The following ARHGAP24 variants were observed in gnomAD, a reference collection of about 807,000 sequenced individuals.
ARHGAP24 encodes the protein rho GTPase-activating protein 24.
ARHGAP24 carries 50 observed loss-of-function variants against 76.4 expected under a neutral mutation model. That is an observed-to-expected ratio of 0.65 (90% CI 0.52 to 0.83). ARHGAP24 has a LOEUF of 0.83. Among genes scored for constraint, ARHGAP24 ranks in the 40% least tolerant of loss-of-function variants. The pLI is 0.00. For missense variants in ARHGAP24, 930 were observed against 914.2 expected, an observed-to-expected ratio of 1.02 and a Z score of -0.22; for synonymous variants, 345 against 323.3, an observed-to-expected ratio of 1.07 and a Z score of -0.72.
intron 2 of ARHGAP24, among the ~76,000 whole-genome samples, chr4:85,703,755 T>C (rs1033337325): frequency 1.3e-5 from 2 of 152,130 alleles, no homozygotes; most frequent in African/African-American, 4.8e-5. Context: ...TAGGCTGTTA[T>C]AGCAGCCCAA....
At chr4:85,792,563 C>A (rs142151870) in intron 3 of ARHGAP24, among the ~76,000 whole-genome samples, 1 of 151,868 alleles carries the variant, frequency 6.6e-6, no homozygotes, top group Non-Finnish European at 1.5e-5. Flanking sequence ...TATCTGAACC[C>A]TCAAAAAAAA....
At chr4:85,578,097 A>G (rs1026165242) in intron 2 of ARHGAP24, among the ~76,000 whole-genome samples, 1 of 152,208 alleles carries the variant, frequency 6.6e-6, no homozygotes, top group African/African-American at 2.4e-5. Flanking sequence ...AACAGAACTC[A>G]TTCTATGTAC....
intron 8 of ARHGAP24, among the ~76,000 whole-genome samples, chr4:85,988,684 C>G (rs1322738188): frequency 6.6e-6 from 1 of 150,926 alleles, no homozygotes; most frequent in Non-Finnish European, 1.5e-5. Context: ...AAAAAAATAC[C>G]ATGATGACAG....
At chr4:85,991,366 C>G (rs1223874016) in intron 8 of ARHGAP24, 3 of 152,022 alleles carry the variant, frequency 2.0e-5, no homozygotes, top group Non-Finnish European at 4.4e-5. Context: ...AACATTTACC[C>G]AAGGAAAAAG....
Position 85,722,761 on chromosome 4 carries a change from G to A in ARHGAP24, c.268+789G>A, listed in dbSNP as rs553687362. Among the ~76,000 whole-genome samples the A allele has an allele frequency of 3.0e-3, 450 of 152,240 alleles. 2 individuals are homozygous for A. The highest frequency in any genetic ancestry group is 4.3e-3 in the Non-Finnish European group (293 of 68,016). The stretch of plus-strand genomic sequence containing the variant: ...GGTAGGAATCTGGCTCCGGTTGACC[G>A]TTTGTGTAATATTGATATTGATTTG... On this transcript the variant is annotated intron_variant, in intron 3 of 9. Transcript: ENST00000395184.
At chr4:85,821,225 A>G (rs997859456) in intron 3 of ARHGAP24, among the ~76,000 whole-genome samples, 1 of 152,190 alleles carries the variant, frequency 6.6e-6, no homozygotes, top group African/African-American at 2.4e-5. Flanking sequence ...AATTTTCTTT[A>G]ATATTAAGAT....
chr4:85,805,305 G>A (rs1728742276), intron 3 of ARHGAP24, among the ~76,000 whole-genome samples: 1 of 152,094 alleles, frequency 6.6e-6, no homozygotes, highest in Admixed American at 6.5e-5. Context: ...AAAGGCAAAG[G>A]TGATATTTAG....
intron 2 of ARHGAP24, among the ~76,000 whole-genome samples, chr4:85,687,945 G>T (rs565460292): frequency 6.6e-6 from 1 of 152,058 alleles, no homozygotes; most frequent in African/African-American, 2.4e-5. Flanking sequence ...CTGAGTAGTT[G>T]GGATTACAGG....
At chr4:85,782,713 A>G (rs7665134) in intron 3 of ARHGAP24, among the ~76,000 whole-genome samples, 278 of 152,308 alleles carry the variant, frequency 1.8e-3, no homozygotes, top group African/African-American at 6.2e-3. Flanking sequence ...TTCATTTTCA[A>G]TTACAATCTC....
intron 3 of ARHGAP24, among the ~76,000 whole-genome samples, chr4:85,834,471 C>G (rs1730161390): frequency 6.6e-6 from 1 of 152,196 alleles, no homozygotes; most frequent in African/African-American, 2.4e-5. Context: ...CTTCACCCAT[C>G]TCGCCACTTG....
intron 9 of ARHGAP24, 111 bp from the exon 10 acceptor site, chr4:86,000,368 C>T: frequency 1.2e-6 from 1 of 868,074 alleles, no homozygotes; most frequent in East Asian, 2.5e-5. Flanking sequence ...TCCTAAGCAT[C>T]ATAAAGAGTT....
chr4:85,973,666 T>C (rs1739122449), intron 6 of ARHGAP24, among the ~76,000 whole-genome samples: 2 of 152,252 alleles, frequency 1.3e-5, no homozygotes, highest in South Asian at 4.1e-4. Context: ...CTTTTACATT[T>C]AGAACTATGA....
At chr4:85,554,470 A>G (rs1015550008) in intron 1 of ARHGAP24, among the ~76,000 whole-genome samples, 9 of 152,198 alleles carry the variant, frequency 5.9e-5, no homozygotes, top group African/African-American at 1.7e-4. Context: ...CTCTTTACAT[A>G]ATCCCATATT....
At chr4:85,843,911 T>C (rs1578288226) in intron 3 of ARHGAP24, among the ~76,000 whole-genome samples, 1 of 152,298 alleles carries the variant, frequency 6.6e-6, no homozygotes, top group Non-Finnish European at 1.5e-5. Flanking sequence ...GCTAAATGTA[T>C]AAAATTTTAT....
chr4:85,883,297 T>C (rs1733361678), intron 3 of ARHGAP24, among the ~76,000 whole-genome samples: 2 of 152,212 alleles, frequency 1.3e-5, no homozygotes, highest in African/African-American at 4.8e-5. Context: ...AGAATGTTAA[T>C]AGGTTTTTGT....
At chr4:85,551,384 G>A (rs1187196956) in intron 1 of ARHGAP24, among the ~76,000 whole-genome samples, 1 of 152,140 alleles carries the variant, frequency 6.6e-6, no homozygotes. Flanking sequence ...AAGCCTACTT[G>A]ATCATGGTGG....
intron 2 of ARHGAP24, among the ~76,000 whole-genome samples, chr4:85,686,410 C>T (rs910333881): frequency 5.3e-5 from 8 of 152,046 alleles, no homozygotes; most frequent in Non-Finnish European, 4.4e-5. Context: ...ATTACAAAAC[C>T]GTCTCAAGAA....
chr4:85,867,906 TATAC>T (rs1394726452), intron 3 of ARHGAP24, among the ~76,000 whole-genome samples: 2 of 142,990 alleles, frequency 1.4e-5, no homozygotes, highest in Admixed American at 7.1e-5. Context: ...TACATATATA[TATAC>T]ATATATGTAC....
Position 85,590,664 on chromosome 4 carries a change from C to T in ARHGAP24, c.180+19943C>T, listed in dbSNP as rs563865988. 2.6e-5 allele frequency among the ~76,000 whole-genome samples: 4 copies of T among 152,026 alleles called. 1 individual carries two copies. Among genetic ancestry groups the T allele is most frequent in the South Asian group, 4.1e-4 (2 of 4,820 alleles). On this transcript the variant is annotated intron_variant, in intron 2 of 9. Coordinates refer to ENST00000395184, the MANE Select transcript of ARHGAP24 (RefSeq NM_001025616.3). ...TGTGAGCCACCACACCTGACCCTTT[C>T]CTTCTTTTTCTAATTAAAATAAACA...
Sources: gnomAD v4.1 joint callset for allele counts (sites outside exome capture counted in the v4.1 genomes callset) on GRCh38, gnomAD v4.1.1 for gene constraint, MANE v1.5 for transcripts, NCBI Gene and HGNC (gene_info 2026-07-23, HGNC 2026-07-21) for gene names.